The following CEP112 variants were observed in gnomAD, a reference collection of about 807,000 sequenced individuals.
CEP112 encodes centrosomal protein of 112 kDa.
In CEP112, 127 loss-of-function variants were observed where a neutral mutation model predicts 153.0. That is an observed-to-expected ratio of 0.83 (90% CI 0.72 to 0.96). The LOEUF (loss-of-function observed/expected upper bound fraction) is 0.96. CEP112 is among the 40% of genes least tolerant of loss of function. The pLI, the probability that CEP112 is intolerant of heterozygous loss-of-function variation, is 0.00. For missense variants in CEP112, 1,089 were observed against 1,101.2 expected, an observed-to-expected ratio of 0.99 and a Z score of 0.16; for synonymous variants, 358 against 374.4, an observed-to-expected ratio of 0.96 and a Z score of 0.51.
intron 19 of CEP112, among the ~76,000 whole-genome samples, chr17:65,917,574 T>C (rs1197484308): frequency 6.6e-6 from 1 of 152,174 alleles, no homozygotes; most frequent in Non-Finnish European, 1.5e-5. Flanking sequence ...CTCCTGTCCA[T>C]GTAATTCCTC....
At chr17:66,147,126 C>T (rs1474329332) in intron 4 of CEP112, among the ~76,000 whole-genome samples, 1 of 152,018 alleles carries the variant, frequency 6.6e-6, no homozygotes, top group Non-Finnish European at 1.5e-5. Context: ...TACATTCTTA[C>T]CAACAGTGCA....
intron 10 of CEP112, 130 bp from the exon 11 acceptor site, chr17:66,063,211 T>C (rs937045901): frequency 6.8e-5 from 31 of 455,112 alleles, no homozygotes; most frequent in Non-Finnish European, 1.0e-4. Context: ...TCTTCTAAAA[T>C]ATCTTTTATT....
At chr17:65,829,552 A>G (rs1475645415) in intron 21 of CEP112, among the ~76,000 whole-genome samples, 5 of 152,210 alleles carry the variant, frequency 3.3e-5, no homozygotes, top group Non-Finnish European at 7.3e-5. Context: ...GTCTCTTAAT[A>G]AAGAGAAAAT....
chr17:65,925,061 A>T (rs570456741), intron 19 of CEP112, among the ~76,000 whole-genome samples: 15 of 152,170 alleles, frequency 9.9e-5, no homozygotes, highest in Middle Eastern at 3.4e-3. Context: ...CCCCACCCAA[A>T]TCTCACCTTG....
chr17:65,750,445 T>A (rs1029968098), intron 22 of CEP112, among the ~76,000 whole-genome samples: 3 of 152,106 alleles, frequency 2.0e-5, no homozygotes, highest in African/African-American at 4.8e-5. Flanking sequence ...ATGTGTGTGT[T>A]GTTTCAAATG....
rs56144670 is a variant in CEP112 at position 66,032,352 on chromosome 17, GA to G, written c.1219-2330del. ...AGGGCAGGAAGCCAAGAAACCAAGT[GA>G]AAAAAAAAAAAAAAACTCAGAAAAG... is the stretch of plus-strand genomic sequence containing the variant. On this transcript the variant is annotated intron_variant, in intron 12 of 26. Transcript: ENST00000535342. Among the ~76,000 whole-genome samples the G allele has an allele frequency of 5.1e-3, 740 of 146,444 alleles. 2 individuals are homozygous for G. Among genetic ancestry groups the G allele is most frequent in the African/African-American group, 8.0e-3 (318 of 39,576 alleles).
chr17:65,706,169 G>A (rs1463509074), intron 23 of CEP112, among the ~76,000 whole-genome samples: 2 of 152,188 alleles, frequency 1.3e-5, no homozygotes, highest in Admixed American at 6.5e-5. Flanking sequence ...ACAGTAAAAT[G>A]ATATAAGAAA....
chr17:66,063,523 C>T (rs967295504), intron 10 of CEP112, among the ~76,000 whole-genome samples: 5 of 151,962 alleles, frequency 3.3e-5, no homozygotes, highest in Non-Finnish European at 5.9e-5. Flanking sequence ...GGGGTGTGGG[C>T]TAAAAACTAC....
At chr17:65,903,107 T>C (rs1040679476) in intron 19 of CEP112, 2 of 152,222 alleles carry the variant, frequency 1.3e-5, no homozygotes, top group African/African-American at 4.8e-5. Context: ...CTGCAAACTA[T>C]AGCCAGCCAG....
intron 4 of CEP112, among the ~76,000 whole-genome samples, chr17:66,133,202 T>A (rs1410273979): frequency 2.0e-5 from 3 of 152,248 alleles, no homozygotes; most frequent in Non-Finnish European, 4.4e-5. Context: ...ATGCTATTTT[T>A]AAGTCAGACT....
chr17:65,976,420 A>AGTTTATAGTT (rs1428992979), intron 17 of CEP112, among the ~76,000 whole-genome samples: 1 of 151,474 alleles, frequency 6.6e-6, no homozygotes, highest in Non-Finnish European at 1.5e-5. Context: ...TACAATAACT[A>AGTTTATAGTT]GTTTATAGTT....
At chr17:65,959,179 C>G (rs907511143) in intron 18 of CEP112, among the ~76,000 whole-genome samples, 1 of 152,134 alleles carries the variant, frequency 6.6e-6, no homozygotes, top group African/African-American at 2.4e-5. Flanking sequence ...GACCTGCCTA[C>G]AGAGAGGAGT....
At chr17:66,029,828 T>TAAA (rs2065386088) in intron 13 of CEP112, 41 bp downstream of exon 13, 1 of 1,575,384 alleles carries the variant, frequency 6.3e-7, no homozygotes, top group African/African-American at 1.4e-5. Flanking sequence ...ATATCAGTAC[T>TAAA]TTATAGCTAC....
intron 17 of CEP112, among the ~76,000 whole-genome samples, chr17:65,998,671 T>C (rs2063892178): frequency 6.6e-6 from 1 of 151,578 alleles, no homozygotes; most frequent in Non-Finnish European, 1.5e-5. Context: ...GTCGTTATAA[T>C]AATAATATTA....
chr17:65,690,291 G>C (rs1598322133), intron 23 of CEP112, among the ~76,000 whole-genome samples: 1 of 151,300 alleles, frequency 6.6e-6, no homozygotes, highest in Non-Finnish European at 1.5e-5. Context: ...CTGGGTGTGG[G>C]GGTGCAAACC....
chr17:65,817,015 T>C (rs2056306614), intron 21 of CEP112, among the ~76,000 whole-genome samples: 1 of 151,986 alleles, frequency 6.6e-6, no homozygotes, highest in South Asian at 2.1e-4. Context: ...AGCAGTTACT[T>C]GCATACAGAG....
intron 8 of CEP112, among the ~76,000 whole-genome samples, chr17:66,072,603 T>C (rs1340262856): frequency 1.3e-5 from 2 of 152,204 alleles, no homozygotes; most frequent in African/African-American, 4.8e-5. Context: ...TGTGTCCTTT[T>C]TCATTGCATC....
At position 65,970,390 on chromosome 17, in the gene CEP112, TTACA is replaced by T. The variant is rs1243381966; in HGVS notation, c.1737-8796_1737-8793del. On this transcript the variant is annotated intron_variant, in intron 17 of 26. Coordinates refer to ENST00000535342, the MANE Select transcript of CEP112 (RefSeq NM_001199165.4). The stretch of plus-strand genomic sequence containing the variant: ...TACATGCACACATCATGCATATATA[TTACA>T]TGCATGCACACATCATGCATGTATA... Among the ~76,000 whole-genome samples the T allele has an allele frequency of 2.6e-3, 150 of 58,570 alleles. 5 individuals carry two copies. The highest frequency in any genetic ancestry group is 6.8e-3 in the African/African-American group (144 of 21,228). 38.4% of individuals were successfully genotyped at this position (58,570 alleles called of 152,430 possible). A position where few individuals can be genotyped will look rare whatever the true frequency, so the allele number is the denominator to read the frequency against.
At chr17:65,992,340 C>G (rs1224587054) in intron 17 of CEP112, among the ~76,000 whole-genome samples, 1 of 152,044 alleles carries the variant, frequency 6.6e-6, no homozygotes, top group Non-Finnish European at 1.5e-5. Flanking sequence ...AAAAATATAA[C>G]TTTAGGGGTA....
Sources: allele counts gnomAD v4.1 joint callset (sites outside exome capture counted in the v4.1 genomes callset), GRCh38; gene constraint gnomAD v4.1.1; transcripts MANE v1.5; gene names NCBI Gene and HGNC (gene_info 2026-07-23, HGNC 2026-07-21).